LMX1A: variants seen among roughly 807,000 people sequenced by gnomAD.
LMX1A encodes LIM homeobox transcription factor 1 alpha.
Under a neutral mutation model 49.1 loss-of-function variants are expected in LMX1A, and 15 were observed. That is an observed-to-expected ratio of 0.31 (90% CI 0.20 to 0.47). LMX1A has a LOEUF of 0.47. Among genes scored for constraint, LMX1A ranks in the 20% least tolerant of loss-of-function variants. LMX1A has a pLI of 1.00. For missense variants in LMX1A, 372 were observed against 475.8 expected (o/e 0.78, Z 2.03); for synonymous variants, 167 against 185.7 (o/e 0.90, Z 0.82).
At chr1:165,345,248 C>A (rs1656202643) in intron 3 of LMX1A, among the ~76,000 whole-genome samples, 1 of 152,138 alleles carries the variant, frequency 6.6e-6, no homozygotes, top group Admixed American at 6.5e-5. Flanking sequence ...AATTGTGAGT[C>A]AAGGCGTGGC....
At chr1:165,219,887 A>G (rs1361767181) in intron 4 of LMX1A, among the ~76,000 whole-genome samples, 5 of 152,216 alleles carry the variant, frequency 3.3e-5, no homozygotes, top group African/African-American at 1.2e-4. Flanking sequence ...AAGACCCAGC[A>G]CCAAAATAAT....
At chr1:165,291,095 T>C (rs1472982641) in intron 3 of LMX1A, among the ~76,000 whole-genome samples, 2 of 152,244 alleles carry the variant, frequency 1.3e-5, no homozygotes, top group Non-Finnish European at 2.9e-5. Context: ...GATCTAAGAT[T>C]ATTACCATTA....
intron 3 of LMX1A, among the ~76,000 whole-genome samples, chr1:165,296,419 C>T (rs1159278256): frequency 6.6e-6 from 1 of 152,260 alleles, no homozygotes; most frequent in Non-Finnish European, 1.5e-5. Flanking sequence ...CTACAGTGAA[C>T]CTTCTCAAGG....
At chr1:165,301,088 C>T (rs1338979381) in intron 3 of LMX1A, among the ~76,000 whole-genome samples, 4 of 152,196 alleles carry the variant, frequency 2.6e-5, no homozygotes, top group Non-Finnish European at 4.4e-5. Flanking sequence ...TGACTCAAAA[C>T]CACCAACTCT....
At chr1:165,320,876 T>C (rs1454105858) in intron 3 of LMX1A, among the ~76,000 whole-genome samples, 1 of 152,150 alleles carries the variant, frequency 6.6e-6, no homozygotes, top group Non-Finnish European at 1.5e-5. Context: ...TAGAAAGCAA[T>C]GACAAAATGC....
chr1:165,319,023 A>G (rs1247435759), intron 3 of LMX1A, among the ~76,000 whole-genome samples: 3 of 137,662 alleles, frequency 2.2e-5, no homozygotes, highest in Non-Finnish European at 4.9e-5. Context: ...ACACACACAC[A>G]CACACACACA....
intron 3 of LMX1A, among the ~76,000 whole-genome samples, chr1:165,263,980 A>G (rs1424184459): frequency 1.3e-5 from 2 of 152,166 alleles, no homozygotes; most frequent in Non-Finnish European, 2.9e-5. Context: ...GAAGGTTATC[A>G]ATTATATTGA....
At chr1:165,325,019 T>C (rs1282814270) in intron 3 of LMX1A, among the ~76,000 whole-genome samples, 2 of 152,330 alleles carry the variant, frequency 1.3e-5, no homozygotes, top group African/African-American at 2.4e-5. Context: ...TAAATGTCTC[T>C]CCAGGGAGCC....
chr1:165,203,872 G>A lies in LMX1A; in HGVS notation c.*8C>T. The A allele has an allele frequency of 6.2e-7, 1 of 1,613,670 alleles. No individual in the cohort carries two copies. ...TGGGAGCCTAGTCACAGAACTCTAG[G>A]GGAAGACTCAAGATGTGAAGTAAGA... On this transcript the variant is annotated 3_prime_UTR_variant, in exon 9 of 9. Coordinates refer to ENST00000342310, the MANE Select transcript of LMX1A (RefSeq NM_177398.4).
intron 3 of LMX1A, among the ~76,000 whole-genome samples, chr1:165,351,454 T>C (rs1284612199): frequency 1.3e-5 from 2 of 152,236 alleles, no homozygotes; most frequent in East Asian, 3.8e-4. Flanking sequence ...AGACAACATG[T>C]CAATAAACAG....
intron 3 of LMX1A, among the ~76,000 whole-genome samples, chr1:165,329,348 A>G (rs1655674455): frequency 6.6e-6 from 1 of 152,160 alleles, no homozygotes; most frequent in African/African-American, 2.4e-5. Context: ...TTGGGTGGGG[A>G]CAGGGAGCCA....
At chr1:165,266,663 G>A (rs1348617967) in intron 3 of LMX1A, among the ~76,000 whole-genome samples, 1 of 140,618 alleles carries the variant, frequency 7.1e-6, no homozygotes, top group Non-Finnish European at 1.5e-5. Flanking sequence ...GTGCAGTGGC[G>A]CGATCTTGGC....
chr1:165,242,498 A>G (rs1294801562), intron 4 of LMX1A, among the ~76,000 whole-genome samples: 2 of 152,064 alleles, frequency 1.3e-5, no homozygotes, highest in African/African-American at 4.8e-5. Context: ...ATCCCATGAT[A>G]AAAGACACTA....
chr1:165,269,824 A>G (rs1653741537), intron 3 of LMX1A, among the ~76,000 whole-genome samples: 2 of 152,154 alleles, frequency 1.3e-5, no homozygotes, highest in Admixed American at 6.5e-5. Context: ...GTTCTCACTT[A>G]TAAGTGGGAG....
At chr1:165,240,561 C>G (rs1379637687) in intron 4 of LMX1A, among the ~76,000 whole-genome samples, 1 of 152,120 alleles carries the variant, frequency 6.6e-6, no homozygotes, top group Non-Finnish European at 1.5e-5. Flanking sequence ...AGCACAGAGT[C>G]CAACACAGTG....
At chr1:165,300,823 C>A (rs1275561148) in intron 3 of LMX1A, among the ~76,000 whole-genome samples, 4 of 152,202 alleles carry the variant, frequency 2.6e-5, no homozygotes, top group African/African-American at 9.7e-5. Flanking sequence ...CCCCTTCTCA[C>A]CCTGCCTGCT....
chr1:165,316,776 G>A (rs1221537870), intron 3 of LMX1A, among the ~76,000 whole-genome samples: 1 of 152,144 alleles, frequency 6.6e-6, no homozygotes, highest in Non-Finnish European at 1.5e-5. Context: ...AGACAAAAAT[G>A]GCAGATGAGG....
chr1:165,248,802 T>C (rs1266319282), intron 4 of LMX1A, among the ~76,000 whole-genome samples: 5 of 152,248 alleles, frequency 3.3e-5, no homozygotes, highest in Admixed American at 1.3e-4. Flanking sequence ...TAGTATTATG[T>C]ATCTATACCT....
At chr1:165,317,793 A>G (rs1655267530) in intron 3 of LMX1A, among the ~76,000 whole-genome samples, 1 of 152,242 alleles carries the variant, frequency 6.6e-6, no homozygotes, top group Non-Finnish European at 1.5e-5. Context: ...CTCTGGGTTC[A>G]GGGTCAACGC....
Sources: allele counts gnomAD v4.1 joint callset (sites outside exome capture counted in the v4.1 genomes callset), GRCh38; gene constraint gnomAD v4.1.1; transcripts MANE v1.5; gene names NCBI Gene and HGNC (gene_info 2026-07-23, HGNC 2026-07-21).